CXorf58: variants seen among roughly 807,000 people sequenced by gnomAD.
CXorf58 encodes uncharacterized protein CXorf58.
CXorf58 carries 24 observed loss-of-function variants against 26.0 expected under a neutral mutation model. That is an observed-to-expected ratio of 0.92 (90% confidence interval 0.67 to 1.30). CXorf58 has a LOEUF of 1.30. Ranked by LOEUF, CXorf58 falls within the 50% of genes most tolerant of loss-of-function variation. The probability of loss-of-function intolerance (pLI) is 0.00; values close to 1 mark genes in which losing one functional copy is unlikely to be tolerated. For missense variants in CXorf58, 236 were observed against 263.9 expected, an observed-to-expected ratio of 0.89 and a Z score of 0.73; for synonymous variants, 87 against 86.1, an observed-to-expected ratio of 1.01 and a Z score of -0.06.
At position 23,911,761 on chromosome X, in the gene CXorf58, C is replaced by G. The variant is rs1355145644; in HGVS notation, c.121C>G (p.Leu41Val). The part of the protein sequence containing the change: ...ARNARSLLSM[L>V]KDISAQIIQR... ...TAACCTCTTTTTTTCTCTCAGAATG[C>G]TTAAAGACATTTCAGCTCAAATAAT... Residue 41 changes from leucine to valine, a missense_variant, in exon 3 of 9, where the codon CTT (leucine) becomes GTT (valine). Coordinates refer to ENST00000379211, the MANE Select transcript of CXorf58 (RefSeq NM_152761.3). The G allele has an allele frequency of 8.6e-7, 1 of 1,166,004 alleles. No homozygotes were observed. The highest frequency in any genetic ancestry group is 2.4e-5 in the Admixed American group (1 of 40,845).
At position 23,927,303 on chromosome X, in the gene CXorf58, A is replaced by C. The variant is rs1928037882; in HGVS notation, c.488A>C (p.Glu163Ala). ...TTTCACCGTATAATTATGGAAGATGAACGTATTTTCCCGAAGTCCAAAGTA... is the reference window on the plus strand; with the variant it reads ...TTTCACCGTATAATTATGGAAGATGCACGTATTTTCCCGAAGTCCAAAGTA... ...RKFHRIIMED[E>A]RIFPKSKVTD... Residue 163 changes from glutamate to alanine, a missense_variant, in exon 6 of 9, where the codon GAA becomes GCA. Coordinates refer to ENST00000379211, the MANE Select transcript of CXorf58 (RefSeq NM_152761.3). The C allele has an allele frequency of 8.6e-7, 1 of 1,166,416 alleles. No individual in the cohort carries two copies.
chrX:23,910,785 A>C (rs1321792795), intron 2 of CXorf58, among the ~76,000 whole-genome samples: 1 of 32,653 alleles, frequency 3.1e-5, no homozygotes, highest in Non-Finnish European at 5.4e-5. Flanking sequence ...TTTTTTTTTC[A>C]GACAGAGTCT....
In CXorf58 at chrX:23,908,535, A is replaced by G. The variant is rs149309695; in HGVS notation, c.-21+206A>G. ...TGGGCATGATTATTATTCCCAATAC[A>G]TAGATGAAGAAACTGAGGCACGTAG... On this transcript the variant is annotated intron_variant, in intron 1 of 8. Transcript: ENST00000379211. 3.8e-3 allele frequency among the ~76,000 whole-genome samples: 431 copies of G among 112,222 alleles called. 1 individual carries two copies. Among genetic ancestry groups the G allele is most frequent in the African/African-American group, 0.013 (413 of 30,874 alleles).
intron 6 of CXorf58, among the ~76,000 whole-genome samples, chrX:23,928,273 T>C (rs1479397167): frequency 2.7e-5 from 3 of 110,464 alleles, no homozygotes; most frequent in African/African-American, 6.6e-5. Flanking sequence ...CTCTGCCTCT[T>C]GGGTTCAAGC....
intron 5 of CXorf58, among the ~76,000 whole-genome samples, chrX:23,917,011 GA>G (rs1371290483): frequency 9.2e-6 from 1 of 108,978 alleles, no homozygotes; most frequent in Non-Finnish European, 1.9e-5. Context: ...AGCACATTTA[GA>G]AAAAAAATGG....
intron 7 of CXorf58, 92 bp from the exon 8 acceptor site, chrX:23,938,455 G>T: frequency 1.5e-6 from 1 of 670,527 alleles, no homozygotes; most frequent in Non-Finnish European, 2.2e-6. Context: ...TGATATATTT[G>T]CTAGAGAAAG....
chrX:23,928,184 C>CT (rs376760305), intron 6 of CXorf58, among the ~76,000 whole-genome samples: 42 of 103,827 alleles, frequency 4.0e-4, no homozygotes, highest in South Asian at 1.2e-3. Flanking sequence ...GAGTTACATA[C>CT]TTTTTTTTTT....
At chrX:23,910,860 G>A (rs1264485220) in intron 2 of CXorf58, among the ~76,000 whole-genome samples, 1 of 104,039 alleles carries the variant, frequency 9.6e-6, no homozygotes, top group Non-Finnish European at 1.9e-5. Flanking sequence ...CTGTCTCCTG[G>A]GTTCAAGCGA....
intron 5 of CXorf58, among the ~76,000 whole-genome samples, chrX:23,924,420 C>T (rs1055119703): frequency 1.8e-5 from 2 of 109,722 alleles, no homozygotes; most frequent in African/African-American, 6.6e-5. Flanking sequence ...CTCCTGGGTT[C>T]AAGCGATTCT....
In CXorf58 at chrX:23,912,248, G is replaced by T. The variant is rs141987544; in HGVS notation, c.216+392G>T. ...TTACAGGCGTGAGCCACCACGCCCGGCCCTTTCTTTATCTCTTCTATTTGG... is the reference window on the plus strand; with the variant it reads ...TTACAGGCGTGAGCCACCACGCCCGTCCCTTTCTTTATCTCTTCTATTTGG... On this transcript the variant is annotated intron_variant, in intron 3 of 8. Coordinates refer to ENST00000379211, the MANE Select transcript of CXorf58 (RefSeq NM_152761.3). Among the ~76,000 whole-genome samples the T allele has an allele frequency of 9.8e-3, 1,083 of 111,000 alleles. 4 individuals are homozygous for T. Among genetic ancestry groups the T allele is most frequent in the Non-Finnish European group, 0.014 (743 of 52,930 alleles).
chrX:23,912,981 CA>C (rs1468394955), intron 3 of CXorf58, among the ~76,000 whole-genome samples: 1 of 109,347 alleles, frequency 9.1e-6, no homozygotes, highest in African/African-American at 3.3e-5. Flanking sequence ...GATAGCTCAT[CA>C]GTTAAAAAAG....
intron 5 of CXorf58, 57 bp downstream of exon 5, chrX:23,916,385 A>G (rs1927722543): frequency 4.3e-6 from 3 of 700,744 alleles, no homozygotes; most frequent in Non-Finnish European, 6.7e-6. Flanking sequence ...TCTACATAGT[A>G]TCTGAATTGC....
chrX:23,915,647 T>C, intron 3 of CXorf58, 53 bp from the exon 4 acceptor site: 1 of 725,515 alleles, frequency 1.4e-6, no homozygotes, highest in Non-Finnish European at 2.2e-6. Flanking sequence ...AGTCCATAAA[T>C]TGTGTCTGGG....
intron 2 of CXorf58, among the ~76,000 whole-genome samples, chrX:23,910,897 C>G (rs1398861939): frequency 1.9e-5 from 2 of 107,209 alleles, no homozygotes; most frequent in African/African-American, 3.4e-5. Flanking sequence ...TTCCGAGTAG[C>G]TGGGATTACA....
Position 23,916,232 on chromosome X carries a change from G to A in CXorf58, c.327G>A (p.Thr109=), listed in dbSNP as rs753226686. ...TTTATTTCAGATTTAGAGGTGAAAC[G>A]TTTCCACCTTTCATCGTGTTTAAAA... is the stretch of plus-strand genomic sequence containing the variant. ...CKIRFRFRGE[T]FPPFIVFKIF... The change falls in exon 5 of 9, where the codon ACG becomes ACA. Residue 109 remains threonine, a synonymous_variant. Coordinates refer to ENST00000379211, the MANE Select transcript of CXorf58 (RefSeq NM_152761.3). 4.2e-6 allele frequency: 5 copies of A among 1,186,802 alleles called. No individual in the cohort carries two copies. The highest frequency in any genetic ancestry group is 3.7e-5 in the South Asian group (2 of 54,049).
At chrX:23,920,902 A>G (rs1056237321) in intron 5 of CXorf58, among the ~76,000 whole-genome samples, 2 of 110,323 alleles carry the variant, frequency 1.8e-5, no homozygotes, top group Non-Finnish European at 3.8e-5. Flanking sequence ...AAAAAAAAAA[A>G]AAAACACCTA....
intron 5 of CXorf58, among the ~76,000 whole-genome samples, chrX:23,921,873 A>ATT (rs1210337193): frequency 3.8e-5 from 4 of 106,428 alleles, no homozygotes; most frequent in Non-Finnish European, 7.8e-5. Flanking sequence ...TAATTTTTGC[A>ATT]TTTTTTTTTA....
chrX:23,910,021 T>C (rs897274406), intron 1 of CXorf58, among the ~76,000 whole-genome samples: 1 of 111,583 alleles, frequency 9.0e-6, no homozygotes, highest in Non-Finnish European at 1.9e-5. Context: ...CCAGGTGTAG[T>C]GTGGAAGATG....
chrX:23,916,847 A>G lies in CXorf58; in HGVS notation c.423+519A>G, dbSNP rs1433253397. On this transcript the variant is annotated intron_variant, in intron 5 of 8. Coordinates refer to ENST00000379211, the MANE Select transcript of CXorf58 (RefSeq NM_152761.3). ...GGAGGCTGCAGTGAGCCAAGATCGT[A>G]CCACTGCACTCCAGCCTGGGCGACA... Among the ~76,000 whole-genome samples the G allele has an allele frequency of 2.8e-5, 3 of 107,560 alleles. No individual in the cohort carries two copies. In the East Asian group the frequency reaches 8.8e-4, roughly 31 times the overall value. The allele number at this position is 107,560 out of a possible 115,157, so 93.4% of individuals were successfully genotyped here. A position where few individuals can be genotyped will look rare whatever the true frequency, so the allele number is the denominator to read the frequency against.
Sources: gnomAD v4.1 joint callset for allele counts (sites outside exome capture counted in the v4.1 genomes callset) on GRCh38, gnomAD v4.1.1 for gene constraint, MANE v1.5 for transcripts, NCBI Gene and HGNC (gene_info 2026-07-23, HGNC 2026-07-21) for gene names.